The following BCR variants were observed in gnomAD, a reference collection of about 807,000 sequenced individuals.
BCR encodes breakpoint cluster region protein.
Under a neutral mutation model 138.6 loss-of-function variants are expected in BCR, and 58 were observed. The observed-to-expected ratio is 0.42, with a 90% CI of 0.34 to 0.52. The LOEUF (loss-of-function observed/expected upper bound fraction) is 0.52, where lower values mean the gene tolerates loss of function less well. Among genes scored for constraint, BCR ranks in the 20% least tolerant of loss-of-function variants. The pLI is 0.06. For missense variants in BCR, 1,599 were observed against 1,727.2 expected, an observed-to-expected ratio of 0.93 and a Z score of 1.32; for synonymous variants, 786 against 730.1, an observed-to-expected ratio of 1.08 and a Z score of -1.23.
At chr22:23,225,263 G>A (rs550589728) in intron 1 of BCR, among the ~76,000 whole-genome samples, 3 of 151,954 alleles carry the variant, frequency 2.0e-5, no homozygotes, top group Non-Finnish European at 4.4e-5. Flanking sequence ...AAGGCGCATG[G>A]ACCAGAGACA....
chr22:23,308,426 C>G lies in BCR; in HGVS notation c.3013-998C>G, dbSNP rs371859570. Among the ~76,000 whole-genome samples, 12 of 152,306 alleles carry G rather than the reference C, an allele frequency of 7.9e-5. No homozygotes were observed. The East Asian group carries it at 2.3e-3, about 29-fold the overall frequency. On this transcript the variant is annotated intron_variant, in intron 16 of 22. Coordinates refer to ENST00000305877, the MANE Select transcript of BCR (RefSeq NM_004327.4). ...GTTCACACCATTCTCCTGCCTCAGC[C>G]TCCCAAGTAGCTGGGACTACAGACG...
At chr22:23,252,172 G>T (rs906470852) in intron 1 of BCR, among the ~76,000 whole-genome samples, 2 of 152,194 alleles carry the variant, frequency 1.3e-5, no homozygotes, top group African/African-American at 4.8e-5. Flanking sequence ...CTGCTGGAAG[G>T]TGGTCTATGA....
intron 8 of BCR, among the ~76,000 whole-genome samples, chr22:23,278,567 A>G (rs1053875401): frequency 6.6e-6 from 1 of 152,134 alleles, no homozygotes; most frequent in Non-Finnish European, 1.5e-5. Context: ...TCTCCACTAA[A>G]AATGCAAAAA....
chr22:23,208,763 G>A (rs1009482241), intron 1 of BCR, among the ~76,000 whole-genome samples: 1 of 152,176 alleles, frequency 6.6e-6, no homozygotes, highest in African/African-American at 2.4e-5. Context: ...GCTGAGGCAG[G>A]AGAATCGCTT....
intron 1 of BCR, among the ~76,000 whole-genome samples, chr22:23,252,366 G>C (rs989747016): frequency 6.6e-6 from 1 of 151,952 alleles, no homozygotes; most frequent in Admixed American, 6.6e-5. Flanking sequence ...AAGGTGCAAG[G>C]ACCGTTCCTG....
chr22:23,196,567 C>A (rs905968578), intron 1 of BCR, among the ~76,000 whole-genome samples: 4 of 152,090 alleles, frequency 2.6e-5, no homozygotes, highest in African/African-American at 9.7e-5. Context: ...GGGCAGCAGT[C>A]CCCAGCCTCC....
chr22:23,236,082 G>C (rs1283859484), intron 1 of BCR, among the ~76,000 whole-genome samples: 1 of 152,210 alleles, frequency 6.6e-6, no homozygotes, highest in Non-Finnish European at 1.5e-5. Context: ...CTCTCTTGGG[G>C]CTGGTGTGAC....
intron 1 of BCR, among the ~76,000 whole-genome samples, chr22:23,193,651 A>T (rs1220235996): frequency 6.6e-6 from 1 of 152,224 alleles, no homozygotes; most frequent in East Asian, 1.9e-4. Flanking sequence ...AAGGTTATGC[A>T]ATGGACTGCA....
chr22:23,267,126 C>T (rs979594870), intron 4 of BCR, among the ~76,000 whole-genome samples: 5 of 152,156 alleles, frequency 3.3e-5, no homozygotes, highest in African/African-American at 4.8e-5. Flanking sequence ...CAGAGGGCAG[C>T]GCCGTGTCTG....
chr22:23,299,167 C>T (rs5759688), intron 16 of BCR, among the ~76,000 whole-genome samples: 67,745 of 151,896 alleles, frequency 0.45, 16,482 homozygotes, highest in African/African-American at 0.65. Flanking sequence ...CAGCTAATTT[C>T]TTGTATTTTT....
rs2072274361 is a variant in BCR at position 23,182,041 on chromosome 22, C to T, written c.1081C>T (p.Arg361Cys). The T allele has an allele frequency of 2.5e-6, 4 of 1,613,518 alleles. No homozygotes were observed. Among genetic ancestry groups the T allele is most frequent in the African/African-American group, 1.3e-5 (1 of 74,948 alleles). ...SRVSPSPTTY[R>C]MFRDKSRSPS... ...CGTGTCCCCAAGCCCCACCACCTAC[C>T]GCATGTTCCGGGACAAAAGCCGCTC... The change falls in exon 1 of 23, where the codon CGC (arginine) becomes TGC (cysteine). Residue 361 changes from arginine to cysteine, a missense_variant. By Grantham distance (180) the Arg-to-Cys change is radical. Transcript: ENST00000305877.
At chr22:23,204,851 A>G (rs1374945840) in intron 1 of BCR, among the ~76,000 whole-genome samples, 1 of 152,062 alleles carries the variant, frequency 6.6e-6, no homozygotes, top group Admixed American at 6.5e-5. Context: ...GGAGGTGATG[A>G]TGTGCAAGCA....
intron 16 of BCR, among the ~76,000 whole-genome samples, chr22:23,300,069 G>A (rs947913758): frequency 3.3e-5 from 5 of 152,186 alleles, no homozygotes; most frequent in Non-Finnish European, 7.3e-5. Flanking sequence ...GTGCAGTTCA[G>A]TGGCATCAGG....
intron 4 of BCR, among the ~76,000 whole-genome samples, chr22:23,262,407 C>T (rs1399968764): frequency 1.3e-5 from 2 of 152,222 alleles, no homozygotes; most frequent in African/African-American, 2.4e-5. Flanking sequence ...CTGCAGACCC[C>T]CAGACTCCAG....
intron 1 of BCR, among the ~76,000 whole-genome samples, chr22:23,210,905 G>T (rs893452965): frequency 6.6e-6 from 1 of 152,154 alleles, no homozygotes; most frequent in Non-Finnish European, 1.5e-5. Context: ...TCTTTATTCA[G>T]ATGTAACATA....
rs753479585 is a variant in BCR, at chr22:23,312,902, C to T, written c.3338C>T (p.Ser1113Leu). ...AAFDVNNKDV[S>L]VMMSEMDVNA... ...CTCTTTCCAGATAACAAGGACGTGT[C>T]GGTGATGATGAGCGAGATGGACGTG... is the stretch of plus-strand genomic sequence containing the variant. The change falls in exon 20 of 23, where the codon TCG becomes TTG. Residue 1113 changes from serine (S) to leucine (L), a missense_variant. Physicochemically the swap from Ser to Leu is moderately radical, Grantham distance 145. This residue lies in a region of BCR where 177 missense variants were observed against 226.4 expected (regional missense o/e 0.78). Transcript: ENST00000305877. 5 of 1,595,916 alleles carry T rather than the reference C, an allele frequency of 3.1e-6. No homozygotes were observed. Among genetic ancestry groups the T allele is most frequent in the African/African-American group, 2.7e-5 (2 of 74,832 alleles).
intron 1 of BCR, among the ~76,000 whole-genome samples, chr22:23,252,760 C>A (rs530136523): frequency 3.9e-5 from 6 of 152,290 alleles, no homozygotes; most frequent in Admixed American, 2.0e-4. Context: ...CAACCCAACC[C>A]CCCTGTATGG....
intron 21 of BCR, 40 bp from the exon 22 acceptor site, chr22:23,314,512 G>T (rs543983194): frequency 3.1e-6 from 5 of 1,609,842 alleles, no homozygotes; most frequent in Admixed American, 3.3e-5. Flanking sequence ...TCTCCTGGGG[G>T]TGGCGTTGAA....
intron 1 of BCR, among the ~76,000 whole-genome samples, chr22:23,196,731 C>G (rs1292074815): frequency 6.6e-6 from 1 of 152,176 alleles, no homozygotes; most frequent in African/African-American, 2.4e-5. Context: ...CATACATAAG[C>G]CACAATAGGG....
Sources: allele counts gnomAD v4.1 joint callset (sites outside exome capture counted in the v4.1 genomes callset), GRCh38; gene constraint gnomAD v4.1.1; regional missense constraint gnomAD v4.1.1; transcripts MANE v1.5; gene names NCBI Gene and HGNC (gene_info 2026-07-23, HGNC 2026-07-21).